ATP8B1: variants seen among roughly 807,000 people sequenced by gnomAD.
ATP8B1 encodes ATPase phospholipid transporting 8B1.
In ATP8B1, 80 loss-of-function variants were observed where a neutral mutation model predicts 149.9. That is an observed-to-expected ratio of 0.53 (90% CI 0.45 to 0.64). The LOEUF (loss-of-function observed/expected upper bound fraction) is 0.64. Ranked by LOEUF, ATP8B1 falls within the 30% of genes least tolerant of loss-of-function variation. ATP8B1 has a pLI of 0.00. For missense variants in ATP8B1, 1,247 were observed against 1,552.6 expected, an observed-to-expected ratio of 0.80 and a Z score of 3.31; for synonymous variants, 536 against 562.8, an observed-to-expected ratio of 0.95 and a Z score of 0.67.
chr18:57,760,145 CG>C (rs934133781), intron 1 of ATP8B1, among the ~76,000 whole-genome samples: 10 of 151,994 alleles, frequency 6.6e-5, no homozygotes, highest in Admixed American at 2.0e-4. Context: ...ATACAAAGAT[CG>C]GGGGGAAAAA....
intron 14 of ATP8B1, among the ~76,000 whole-genome samples, 154 bp from the exon 15 acceptor site, chr18:57,684,346 C>G (rs1376779480): frequency 6.6e-6 from 1 of 151,606 alleles, no homozygotes; most frequent in African/African-American, 2.4e-5. Context: ...TCACAACTGT[C>G]TTAAATAAAA....
chr18:57,768,586 C>CAAAAAAAAAA (rs5825235), intron 1 of ATP8B1, among the ~76,000 whole-genome samples: 1 of 96,996 alleles, frequency 1.0e-5, no homozygotes, highest in Non-Finnish European at 2.0e-5. Flanking sequence ...GTTTACATGC[C>CAAAAAAAAAA]AAAAAAAAAA....
chr18:57,726,182 T>C (rs319422), intron 2 of ATP8B1, among the ~76,000 whole-genome samples: 62,037 of 152,062 alleles, frequency 0.41, 12,868 homozygotes, highest in East Asian at 0.55. Context: ...GAGCCAAGAT[T>C]GTGCCACTGC....
At chr18:57,674,025 G>A (rs1000356442) in intron 16 of ATP8B1, among the ~76,000 whole-genome samples, 2 of 151,986 alleles carry the variant, frequency 1.3e-5, no homozygotes, top group African/African-American at 4.8e-5. Context: ...TAAAATAAAA[G>A]ACTGCTACAA....
chr18:57,662,589 T>C lies in ATP8B1; in HGVS notation c.2312A>G (p.Asn771Ser), dbSNP rs990868739. The C allele has an allele frequency of 6.2e-7, 1 of 1,614,154 alleles. No individual in the cohort carries two copies. ...GTAGACGCCACCTCTATTCCTCTGG[T>C]TTTCCATCCTTGCATGAAGAAGAGA... ...INSLLHARME[N>S]QRNRGGVYAK... Residue 771 changes from asparagine (N) to serine (S), a missense_variant, in exon 21 of 28, where the codon AAC (asparagine) becomes AGC (serine). Asn to Ser is a conservative substitution (Grantham distance 46). Transcript: ENST00000648908.
intron 1 of ATP8B1, among the ~76,000 whole-genome samples, chr18:57,756,220 C>T (rs371173669): frequency 0.14 from 14,467 of 105,408 alleles, 1,349 homozygotes; most frequent in African/African-American, 0.21. Context: ...TACACACACA[C>T]ACACACACAC....
Position 57,742,470 on chromosome 18 carries a change from G to C in ATP8B1, c.-25-10638C>G, listed in dbSNP as rs569374847. Among the ~76,000 whole-genome samples the C allele has an allele frequency of 5.3e-5, 8 of 152,082 alleles. No individual in the cohort carries two copies. In the East Asian group the frequency reaches 9.7e-4, roughly 18 times the overall value. On this transcript the variant is annotated intron_variant, in intron 1 of 27. Coordinates refer to ENST00000648908, the MANE Select transcript of ATP8B1 (RefSeq NM_001374385.1). Reference sequence around the variant, plus strand: ...AGGATCTTTACATATGATAGAAAAGGCTTCTCTGAGTCCACAGCTTCACCC... The same window carrying C: ...AGGATCTTTACATATGATAGAAAAGCCTTCTCTGAGTCCACAGCTTCACCC...
chr18:57,688,517 C>T lies in ATP8B1; in HGVS notation c.1221-10G>A. The stretch of plus-strand genomic sequence containing the variant: ...ACGAATCACTTCCACGCTAGGAAGA[C>T]AGAAGATTATTTTCCGTAGAGAGCT... On this transcript the variant is annotated splice_polypyrimidine_tract_variant and intron_variant, in intron 12 of 27. Coordinates refer to ENST00000648908, the MANE Select transcript of ATP8B1 (RefSeq NM_001374385.1). The T allele has an allele frequency of 4.3e-6, 7 of 1,613,790 alleles. No homozygotes were observed. The highest frequency in any genetic ancestry group is 5.9e-6 in the Non-Finnish European group (7 of 1,179,714).
rs758992225 is a variant in ATP8B1 at position 57,669,450 on chromosome 18, G to C, written c.1965C>G (p.Cys655Trp). The C allele has an allele frequency of 1.9e-6, 3 of 1,613,200 alleles. No homozygotes were observed. The highest frequency in any genetic ancestry group is 8.5e-7 in the Non-Finnish European group (1 of 1,179,386). The change falls in exon 18 of 28, where the codon TGC becomes TGG. Residue 655 changes from cysteine (C) to tryptophan (W), a missense_variant. Physicochemically the swap from Cys to Trp is radical, Grantham distance 215. This residue lies in a region of ATP8B1 where 853 missense variants were observed against 1,035.7 expected (regional missense o/e 0.82). Transcript: ENST00000648908. The part of the protein sequence containing the change: ...IFANETLRTL[C>W]LCYKEIEEKE... ...TTTCTTCAATTTCCTTGTAGCAAAG[G>C]CATAGGGTTCTAAGAGTTTCATTTG... is the stretch of plus-strand genomic sequence containing the variant.
intron 1 of ATP8B1, among the ~76,000 whole-genome samples, chr18:57,732,744 G>T (rs1039693801): frequency 1.3e-5 from 2 of 151,802 alleles, no homozygotes; most frequent in Non-Finnish European, 2.9e-5. Flanking sequence ...TGTATTTTTA[G>T]TAGAGACGGG....
chr18:57,779,598 T>C (rs1283097986), intron 1 of ATP8B1, among the ~76,000 whole-genome samples: 2 of 152,074 alleles, frequency 1.3e-5, no homozygotes, highest in Non-Finnish European at 2.9e-5. Flanking sequence ...TCTTAACTTG[T>C]GTAATGAAAG....
intron 8 of ATP8B1, 59 bp downstream of exon 8, chr18:57,697,559 G>A: frequency 6.4e-7 from 1 of 1,565,218 alleles, no homozygotes; most frequent in Non-Finnish European, 8.8e-7. Flanking sequence ...CCCGATTTCA[G>A]TGGAATGAAT....
At chr18:57,774,970 A>G (rs1170733466) in intron 1 of ATP8B1, among the ~76,000 whole-genome samples, 1 of 152,176 alleles carries the variant, frequency 6.6e-6, no homozygotes, top group Non-Finnish European at 1.5e-5. Flanking sequence ...TTGTTGTATG[A>G]TGAACACCCA....
chr18:57,717,728 G>T (rs948237584), intron 2 of ATP8B1, among the ~76,000 whole-genome samples: 18 of 151,210 alleles, frequency 1.2e-4, no homozygotes, highest in South Asian at 4.2e-4. Context: ...TTTTGTTTTG[G>T]TTTGGTTTGG....
intron 1 of ATP8B1, among the ~76,000 whole-genome samples, chr18:57,796,494 A>AAAC (rs1465343586): frequency 6.6e-6 from 1 of 152,172 alleles, no homozygotes; most frequent in Non-Finnish European, 1.5e-5. Flanking sequence ...AAAAAAACAA[A>AAAC]AACAACAACA....
chr18:57,698,873 T>A lies in ATP8B1; in HGVS notation c.555-1006A>T, dbSNP rs1476395019. On this transcript the variant is annotated intron_variant, in intron 6 of 27. Coordinates refer to ENST00000648908, the MANE Select transcript of ATP8B1 (RefSeq NM_001374385.1). ...AAAGTGAATTTTCCCTTCCCTGTACTGTCAGAGCATTTTGTTTTTATCTTT... is the reference window on the plus strand; with the variant it reads ...AAAGTGAATTTTCCCTTCCCTGTACAGTCAGAGCATTTTGTTTTTATCTTT... Among the ~76,000 whole-genome samples the A allele has an allele frequency of 3.3e-5, 5 of 152,272 alleles. No homozygotes were observed. In the East Asian group the frequency reaches 9.6e-4, roughly 29 times the overall value.
chr18:57,724,264 C>T (rs1422985797), intron 2 of ATP8B1, among the ~76,000 whole-genome samples: 3 of 146,060 alleles, frequency 2.1e-5, no homozygotes, highest in African/African-American at 7.6e-5. Context: ...TCTAATTAAA[C>T]TAAAGAGCTT....
intron 8 of ATP8B1, among the ~76,000 whole-genome samples, chr18:57,696,844 C>T (rs978164767): frequency 2.0e-5 from 3 of 152,290 alleles, no homozygotes; most frequent in South Asian, 2.1e-4. Context: ...TGTAAAGTGC[C>T]GGCAACCTCG....
chr18:57,740,921 G>C lies in ATP8B1; in HGVS notation c.-25-9089C>G, dbSNP rs1268722731. On this transcript the variant is annotated intron_variant, in intron 1 of 27. Transcript: ENST00000648908. ...CTTCATTTTCTTTTTTTTAAAATAA[G>C]CCTGAGTTCCTGAACCTTGCTGCTT... 3 of 151,058 alleles carry C rather than the reference G, an allele frequency of 2.0e-5. No homozygotes were observed. In the East Asian group the frequency reaches 5.8e-4, roughly 29 times the overall value. 9.4% of individuals were successfully genotyped at this position (151,058 alleles called of 1,614,324 possible).
Sources: gnomAD v4.1 joint callset for allele counts (sites outside exome capture counted in the v4.1 genomes callset) on GRCh38, gnomAD v4.1.1 for gene constraint, gnomAD v4.1.1 regional missense constraint, MANE v1.5 for transcripts, NCBI Gene and HGNC (gene_info 2026-07-23, HGNC 2026-07-21) for gene names.